Variants in IQSEC3 observed in about 807,000 individuals in gnomAD.
IQSEC3 encodes the protein IQ motif and Sec7 domain ArfGEF 3, also known as IQ motif and SEC7 domain-containing protein 3.
IQSEC3 carries 50 observed loss-of-function variants against 105.4 expected under a neutral mutation model. The ratio of observed to expected loss-of-function variants is 0.47; its 90% CI spans 0.38 to 0.60. The LOEUF is 0.60. IQSEC3 is among the 20% of genes least tolerant of loss of function. The pLI is 0.00. For missense variants in IQSEC3, 1,415 were observed against 1,630.0 expected (o/e 0.87, Z 2.27); for synonymous variants, 708 against 746.0 (o/e 0.95, Z 0.83).
intron 2 of IQSEC3, among the ~76,000 whole-genome samples, chr12:111,206 C>T (rs1352460403): frequency 6.6e-6 from 1 of 152,172 alleles, no homozygotes; most frequent in Non-Finnish European, 1.5e-5. Context: ...TGTCTCCTCT[C>T]GTGAGGATGG....
At chr12:124,223 C>CT (rs1251250443) in intron 2 of IQSEC3, among the ~76,000 whole-genome samples, 21 of 151,700 alleles carry the variant, frequency 1.4e-4, no homozygotes, top group Non-Finnish European at 2.5e-4. Flanking sequence ...CCTGTCTCTG[C>CT]TAAAAATACA....
intron 5 of IQSEC3, chr12:149,215 G>A (rs4980800): frequency 0.32 from 48,051 of 152,124 alleles, 8,598 homozygotes; most frequent in Admixed American, 0.42. Context: ...CCACGCGCCC[G>A]TCAGCAGCAC....
At chr12:125,231 T>G (rs1188973195) in intron 2 of IQSEC3, among the ~76,000 whole-genome samples, 3 of 152,202 alleles carry the variant, frequency 2.0e-5, no homozygotes, top group African/African-American at 4.8e-5. Context: ...CAGCCGCCAG[T>G]ATCCCTGTGA....
At chr12:86,813 G>A (rs567116855) in intron 1 of IQSEC3, among the ~76,000 whole-genome samples, 3 of 152,082 alleles carry the variant, frequency 2.0e-5, no homozygotes, top group Non-Finnish European at 2.9e-5. Flanking sequence ...TCAGGAGACC[G>A]AGGCTGAAGA....
chr12:163,462 T>G, intron 8 of IQSEC3, 32 bp from the exon 9 acceptor site: 6 of 1,564,856 alleles, frequency 3.8e-6, no homozygotes, highest in Non-Finnish European at 5.2e-6. Context: ...AGGCCTCTGG[T>G]CTCTCCCGCT....
rs144289223 is a variant in IQSEC3 at position 139,204 on chromosome 12, C to T, written c.1841C>T (p.Ser614Leu). ...TCCGCCAAGTCAGGCTCGGAGGCGTCGGCCTCCGCCTCCAAGGACGCCCTG... is the reference window on the plus strand; with the variant it reads ...TCCGCCAAGTCAGGCTCGGAGGCGTTGGCCTCCGCCTCCAAGGACGCCCTG... ...TKSAKSGSEASASASKDALQA... is the reference protein window; with the variant it reads ...TKSAKSGSEALASASKDALQA... Residue 614 changes from serine to leucine, a missense_variant, in exon 4 of 14, where the codon TCG (serine) becomes TTG (leucine). Physicochemically the swap from Ser to Leu is moderately radical, Grantham distance 145. Around this residue, in one of 6 missense-constraint regions of IQSEC3, gnomAD observed 720 missense variants for 633.0 expected, o/e 1.14. Coordinates refer to ENST00000538872, the MANE Select transcript of IQSEC3 (RefSeq NM_001170738.2). 63 of 1,585,238 alleles carry T rather than the reference C, an allele frequency of 4.0e-5. No homozygotes were observed. Among genetic ancestry groups the T allele is most frequent in the Non-Finnish European group, 4.9e-5 (57 of 1,168,702 alleles).
At chr12:170,746 G>A (rs1182498669) in intron 12 of IQSEC3, among the ~76,000 whole-genome samples, 1 of 152,234 alleles carries the variant, frequency 6.6e-6, no homozygotes, top group Non-Finnish European at 1.5e-5. Context: ...GCAAAGAAGC[G>A]TGGCCCACGC....
chr12:163,667 C>T (rs200566455), intron 9 of IQSEC3, 48 bp downstream of exon 9: 4 of 1,083,190 alleles, frequency 3.7e-6, no homozygotes, highest in Admixed American at 3.4e-5. Flanking sequence ...GCTGCCTCTG[C>T]CGCCCTGGTC....
rs114831488 is a variant in IQSEC3 at position 172,066 on chromosome 12, C to T, written c.3114+905C>T. Among the ~76,000 whole-genome samples, 713 of 152,280 alleles carry T rather than the reference C, an allele frequency of 4.7e-3. 11 individuals are homozygous for T. The highest frequency in any genetic ancestry group is 0.016 in the African/African-American group (652 of 41,568). ...TTTCTGCCCGGCCTCCCGGGGCCAC[C>T]GGCTGCTCATACAGACACCTCCCTT... On this transcript the variant is annotated intron_variant, in intron 13 of 13. Coordinates refer to ENST00000538872, the MANE Select transcript of IQSEC3 (RefSeq NM_001170738.2).
Position 80,437 on chromosome 12 carries a change from A to G in IQSEC3, c.554+13001A>G, listed in dbSNP as rs533934469. On this transcript the variant is annotated intron_variant, in intron 1 of 13. Transcript: ENST00000538872. ...ATCTGATAAATAAATAGATGTTCTTATAGCCTCACTCCTTACTTTTCACCC... is the reference window on the plus strand; with the variant it reads ...ATCTGATAAATAAATAGATGTTCTTGTAGCCTCACTCCTTACTTTTCACCC... 3.3e-5 allele frequency among the ~76,000 whole-genome samples: 5 copies of G among 152,300 alleles called. No individual in the cohort carries two copies. The East Asian group carries it at 9.6e-4, about 29-fold the overall frequency.
At chr12:73,657 G>A (rs557917808) in intron 1 of IQSEC3, among the ~76,000 whole-genome samples, 416 of 152,174 alleles carry the variant, frequency 2.7e-3, no homozygotes, top group African/African-American at 8.9e-3. Flanking sequence ...GCCACAGAGC[G>A]AGACTCCATG....
chr12:127,246 C>A (rs12312097), intron 3 of IQSEC3, among the ~76,000 whole-genome samples: 2 of 152,164 alleles, frequency 1.3e-5, no homozygotes, highest in Non-Finnish European at 2.9e-5. Flanking sequence ...AGGGGCCAGG[C>A]GTGGTGGCTC....
intron 1 of IQSEC3, among the ~76,000 whole-genome samples, chr12:78,810 C>A (rs868961604): frequency 6.6e-6 from 1 of 152,080 alleles, no homozygotes; most frequent in Non-Finnish European, 1.5e-5. Flanking sequence ...TCAGGCAAGC[C>A]GAGTGCCTGG....
intron 2 of IQSEC3, among the ~76,000 whole-genome samples, chr12:101,338 G>T (rs1341818101): frequency 1.3e-5 from 2 of 152,206 alleles, no homozygotes; most frequent in African/African-American, 2.4e-5. Context: ...CTCTCAAGGG[G>T]CTGGAGCTCC....
chr12:107,120 G>A (rs1864680713), intron 2 of IQSEC3, among the ~76,000 whole-genome samples: 1 of 152,136 alleles, frequency 6.6e-6, no homozygotes, highest in East Asian at 1.9e-4. Context: ...TCTCCAGCAG[G>A]GACACTTTCC....
At chr12:144,864 T>C (rs1411294237) in intron 5 of IQSEC3, among the ~76,000 whole-genome samples, 1 of 152,194 alleles carries the variant, frequency 6.6e-6, no homozygotes, top group African/African-American at 2.4e-5. Context: ...TGAGACAGAG[T>C]CTTGCTCTGT....
intron 1 of IQSEC3, among the ~76,000 whole-genome samples, chr12:85,262 GAGGAGC>G (rs1329441812): frequency 6.6e-6 from 1 of 152,254 alleles, no homozygotes; most frequent in Non-Finnish European, 1.5e-5. Context: ...AGGACTTGGT[GAGGAGC>G]AGCCTCAGAG....
intron 7 of IQSEC3, 50 bp from the exon 8 acceptor site, chr12:161,876 C>T (rs1866906176): frequency 6.6e-7 from 1 of 1,504,204 alleles, no homozygotes. Flanking sequence ...AGGGCTCTGA[C>T]ACCCTCCCTC....
chr12:108,624 T>C (rs559569434), intron 2 of IQSEC3, among the ~76,000 whole-genome samples: 23 of 152,326 alleles, frequency 1.5e-4, no homozygotes, highest in Non-Finnish European at 2.9e-4. Flanking sequence ...CTCATTTCCG[T>C]AAGAAACTGA....
Sources: allele counts gnomAD v4.1 joint callset (sites outside exome capture counted in the v4.1 genomes callset), GRCh38; gene constraint gnomAD v4.1.1; regional missense constraint gnomAD v4.1.1; transcripts MANE v1.5; gene names NCBI Gene and HGNC (gene_info 2026-07-23, HGNC 2026-07-21).